The following TTBK2 variants were observed in gnomAD, a reference collection of about 807,000 sequenced individuals.
TTBK2 encodes the protein tau tubulin kinase 2, also known as tau-tubulin kinase 2.
TTBK2 carries 28 observed loss-of-function variants against 110.8 expected under a neutral mutation model. The observed-to-expected ratio is 0.25, with a 90% confidence interval of 0.19 to 0.35. The LOEUF (loss-of-function observed/expected upper bound fraction) is 0.35, where lower values mean the gene tolerates loss of function less well. TTBK2 is among the 10% of genes least tolerant of loss of function. The probability of loss-of-function intolerance (pLI) is 1.00; values close to 1 mark genes in which losing one functional copy is unlikely to be tolerated. For synonymous variants in TTBK2, 532 were observed against 527.3 expected, an observed-to-expected ratio of 1.01 and a Z score of -0.12; for missense variants, 1,369 against 1,500.3, an observed-to-expected ratio of 0.91 and a Z score of 1.45.
intron 1 of TTBK2, among the ~76,000 whole-genome samples, chr15:42,898,383 GAAAATACAA>G (rs1895753176): frequency 6.6e-6 from 1 of 151,710 alleles, no homozygotes; most frequent in Non-Finnish European, 1.5e-5. Context: ...CGTCTCTAAA[GAAAATACAA>G]AAAATAGCCA....
intron 5 of TTBK2, 146 bp from the exon 6 acceptor site, chr15:42,828,178 T>A (rs1892609090): frequency 3.0e-6 from 2 of 673,116 alleles, no homozygotes; most frequent in Non-Finnish European, 5.0e-6. Context: ...TGATGTTTAG[T>A]GGTATTAAAA....
At chr15:42,762,687 C>T (rs1395094388) in intron 13 of TTBK2, among the ~76,000 whole-genome samples, 1 of 152,090 alleles carries the variant, frequency 6.6e-6, no homozygotes, top group African/African-American at 2.4e-5. Flanking sequence ...CACTGTACTC[C>T]AGCCTGGGTG....
Position 42,777,016 on chromosome 15 carries a change from T to A in TTBK2, c.1409+15A>T. The A allele has an allele frequency of 6.2e-7, 1 of 1,612,346 alleles. No individual in the cohort carries two copies. The highest frequency in any genetic ancestry group is 8.5e-7 in the Non-Finnish European group (1 of 1,178,660). ...ACCTTAGAAGCTTTAAAAAGAAAAA[T>A]ACACTATTTTATACCAGGTCTCAAG... On this transcript the variant is annotated intron_variant, in intron 12 of 14. Coordinates refer to ENST00000267890, the MANE Select transcript of TTBK2 (RefSeq NM_173500.4).
chr15:42,799,687 C>A (rs1427174479), intron 9 of TTBK2, among the ~76,000 whole-genome samples: 1 of 152,048 alleles, frequency 6.6e-6, no homozygotes, highest in Non-Finnish European at 1.5e-5. Flanking sequence ...CCTCCTGTCT[C>A]GGCCTCTCAA....
At chr15:42,836,307 G>C (rs938740143) in intron 4 of TTBK2, among the ~76,000 whole-genome samples, 5 of 152,124 alleles carry the variant, frequency 3.3e-5, no homozygotes, top group Admixed American at 3.3e-4. Context: ...AAAAGAACAA[G>C]TTTATCTTAA....
intron 9 of TTBK2, chr15:42,802,083 C>G: frequency 6.8e-7 from 1 of 1,463,550 alleles, no homozygotes; most frequent in Non-Finnish European, 9.5e-7. Context: ...GCTCCAGGAA[C>G]CGTACCTTGT....
chr15:42,815,553 T>A (rs1359966421), intron 7 of TTBK2, among the ~76,000 whole-genome samples: 1 of 151,898 alleles, frequency 6.6e-6, no homozygotes, highest in African/African-American at 2.4e-5. Context: ...ACTCATAAAG[T>A]TCGGGATGAA....
At position 42,752,893 on chromosome 15, in the gene TTBK2, C is replaced by G. The variant is rs1052988248; in HGVS notation, c.2353G>C (p.Glu785Gln). 2 of 1,614,054 alleles carry G rather than the reference C, an allele frequency of 1.2e-6. No individual in the cohort carries two copies. Among genetic ancestry groups the G allele is most frequent in the African/African-American group, 1.3e-5 (1 of 74,928 alleles). The change falls in exon 14 of 15, where the codon GAG (glutamate) becomes CAG (glutamine). Residue 785 changes from glutamate to glutamine, a missense_variant. Glu to Gln is a conservative substitution (Grantham distance 29). This residue lies in a region of TTBK2 where 1,097 missense variants were observed against 1,114.7 expected (regional missense o/e 0.98). Coordinates refer to ENST00000267890, the MANE Select transcript of TTBK2 (RefSeq NM_173500.4). ...AACTTCTCATCTTCATTATCTGACT[C>G]TAAAAGGATGCTTTTCTCTTCAGTT... The part of the protein sequence containing the change: ...GETEEKSILL[E>Q]SDNEDEKLSR...
Position 42,768,940 on chromosome 15 carries a change from C to T in TTBK2, c.1998+6195G>A, listed in dbSNP as rs182915446. ...ATAGACCAATGGAACAGAGCAGAGG[C>T]CTCAGAAATAACACCACACATCTAC... On this transcript the variant is annotated intron_variant, in intron 13 of 14. Coordinates refer to ENST00000267890, the MANE Select transcript of TTBK2 (RefSeq NM_173500.4). Among the ~76,000 whole-genome samples the T allele has an allele frequency of 5.7e-3, 865 of 152,194 alleles. 6 individuals carry two copies. Among genetic ancestry groups the T allele is most frequent in the Non-Finnish European group, 8.8e-3 (597 of 68,012 alleles).
intron 1 of TTBK2, among the ~76,000 whole-genome samples, chr15:42,906,298 C>T (rs2141201375): frequency 6.6e-6 from 1 of 152,282 alleles, no homozygotes; most frequent in East Asian, 1.9e-4. Flanking sequence ...TCCTGTACCA[C>T]TTGAATATTA....
rs34009486 is a variant in TTBK2 at position 42,794,104 on chromosome 15, G to GA, written c.980+539dup. On this transcript the variant is annotated intron_variant, in intron 10 of 14. Coordinates refer to ENST00000267890, the MANE Select transcript of TTBK2 (RefSeq NM_173500.4). ...AACAACCAAAGCAGGTAAAAAATTA[G>GA]AAAAAAAAAAAAGACAAATAAAAAA... Among the ~76,000 whole-genome samples, 664 of 87,174 alleles carry GA rather than the reference G, an allele frequency of 7.6e-3. 11 individuals are homozygous for GA. The East Asian group carries it at 0.13, about 17-fold the overall frequency. 57.2% of individuals were successfully genotyped at this position (87,174 alleles called of 152,430 possible). A position where few individuals can be genotyped will look rare whatever the true frequency, so the allele number is the denominator to read the frequency against.
chr15:42,911,961 T>TACACAC (rs10545933), intron 1 of TTBK2, among the ~76,000 whole-genome samples: 25 of 149,738 alleles, frequency 1.7e-4, no homozygotes, highest in African/African-American at 6.1e-4. Context: ...ATGAGTTAAA[T>TACACAC]ACACACACAC....
chr15:42,856,307 A>C (rs1893938046), intron 3 of TTBK2, among the ~76,000 whole-genome samples: 2 of 152,138 alleles, frequency 1.3e-5, no homozygotes, highest in Admixed American at 1.3e-4. Flanking sequence ...AAAAGACACC[A>C]CAAGGATGCA....
At chr15:42,869,718 G>C (rs1894536640) in intron 3 of TTBK2, among the ~76,000 whole-genome samples, 2 of 151,990 alleles carry the variant, frequency 1.3e-5, no homozygotes, top group East Asian at 1.9e-4. Flanking sequence ...AAAATGCTGT[G>C]AATCAAAGGA....
chr15:42,781,496 C>T (rs1480965990), intron 11 of TTBK2, among the ~76,000 whole-genome samples: 3 of 152,010 alleles, frequency 2.0e-5, no homozygotes, highest in African/African-American at 7.2e-5. Context: ...CTTATCTTTC[C>T]TAATGTAAGT....
rs1045415793 is a variant in TTBK2 at position 42,742,304 on chromosome 15, T to C, written c.*3491A>G. 22 of 152,250 alleles carry C rather than the reference T, an allele frequency of 1.4e-4. 1 individual carries two copies. Among genetic ancestry groups the C allele is most frequent in the Admixed American group, 1.4e-3 (22 of 15,290 alleles). The allele number at this position is 152,250 out of a possible 1,614,324, so 9.4% of individuals were successfully genotyped here. On this transcript the variant is annotated 3_prime_UTR_variant, in exon 15 of 15. Coordinates refer to ENST00000267890, the MANE Select transcript of TTBK2 (RefSeq NM_173500.4). ...CAACTTAAAAAACAGTTAATGTAAC[T>C]ATGCCACTGTCAGCAAGGCCAGCTT... is the stretch of plus-strand genomic sequence containing the variant.
intron 1 of TTBK2, among the ~76,000 whole-genome samples, chr15:42,881,934 G>A (rs1895065623): frequency 6.6e-6 from 1 of 152,004 alleles, no homozygotes; most frequent in Non-Finnish European, 1.5e-5. Flanking sequence ...AATTTCACTG[G>A]ATGGGGTCAA....
At chr15:42,836,983 G>A (rs1444344929) in intron 4 of TTBK2, among the ~76,000 whole-genome samples, 3 of 152,094 alleles carry the variant, frequency 2.0e-5, no homozygotes, top group African/African-American at 7.2e-5. Flanking sequence ...GATAAATCCA[G>A]ATGAAAACTA....
chr15:42,902,280 G>T (rs2030091245), intron 1 of TTBK2, among the ~76,000 whole-genome samples: 1 of 151,374 alleles, frequency 6.6e-6, no homozygotes, highest in Non-Finnish European at 1.5e-5. Context: ...CAGCATTTCG[G>T]GAGGCCGAGG....
Sources: allele counts gnomAD v4.1 joint callset (sites outside exome capture counted in the v4.1 genomes callset), GRCh38; gene constraint gnomAD v4.1.1; regional missense constraint gnomAD v4.1.1; transcripts MANE v1.5; gene names NCBI Gene and HGNC (gene_info 2026-07-23, HGNC 2026-07-21).